SEC16A: variants seen among roughly 807,000 people sequenced by gnomAD.
SEC16A encodes SEC16 homolog A, endoplasmic reticulum export factor.
A neutral mutation model predicts 221.9 loss-of-function variants in SEC16A; 110 were observed. The observed-to-expected ratio is 0.50, with a 90% CI of 0.42 to 0.58. SEC16A has a LOEUF of 0.58. Ranked by LOEUF, SEC16A falls within the 20% of genes least tolerant of loss-of-function variation. The probability of loss-of-function intolerance (pLI) is 0.00; values close to 1 mark genes in which losing one functional copy is unlikely to be tolerated. For synonymous variants in SEC16A, 1,393 were observed against 1,257.7 expected (o/e 1.11, Z -2.28); for missense variants, 3,165 against 3,097.8 (o/e 1.02, Z -0.52).
intron 9 of SEC16A, 108 bp downstream of exon 9, chr9:136,464,312 G>A (rs906280500): frequency 4.8e-6 from 5 of 1,036,510 alleles, no homozygotes; most frequent in Non-Finnish European, 6.8e-6. Context: ...ATTTTCCAAG[G>A]ACGTATGTCC....
At chr9:136,448,513 C>G in intron 23 of SEC16A, 2 of 708,924 alleles carry the variant, frequency 2.8e-6, no homozygotes, top group Admixed American at 2.0e-5. Flanking sequence ...ACAGAGACAC[C>G]AGGAGGATGG....
Position 136,466,864 on chromosome 9 carries a change from A to G in SEC16A, c.3929+93T>C. The G allele has an allele frequency of 2.8e-6, 4 of 1,438,116 alleles. No homozygotes were observed. The highest frequency in any genetic ancestry group is 3.7e-6 in the Non-Finnish European group (4 of 1,074,486). 89.1% of individuals were successfully genotyped at this position (1,438,116 alleles called of 1,614,324 possible). A position where few individuals can be genotyped will look rare whatever the true frequency, so the allele number is the denominator to read the frequency against. ...GGCAGATGCTCACCCAAACTACCAC[A>G]GCTCTTTGTTAAAACCCAGACATGA... On this transcript the variant is annotated intron_variant, in intron 6 of 31. Transcript: ENST00000684901. The surrounding 1 kb of genome is among the most constrained non-coding windows in gnomAD (Gnocchi z 5.5).
rs760387521 is a variant in SEC16A, at chr9:136,447,342, A to T, written c.6582T>A (p.Val2194=). ...RRAAGTRARY[V]DVLNPSGTQR... is the part of the protein sequence containing the mutation. ...GGGTCCCGCTTGGGTTCAGGACGTC[A>T]ACGTAGCGAGCTCTGGTTCCTGCTG... Residue 2194 remains valine (V), a synonymous_variant, in exon 27 of 32, where the codon GTT becomes GTA. Coordinates refer to ENST00000684901, the MANE Select transcript of SEC16A (RefSeq NM_014866.2). This position sits in a 1 kb window ranked among gnomAD's most constrained non-coding sequence, Gnocchi z 5.5. 3 of 1,598,684 alleles carry T rather than the reference A, an allele frequency of 1.9e-6. No homozygotes were observed. In the East Asian group the frequency reaches 6.8e-5, roughly 36 times the overall value.
chr9:136,476,533 C>G lies in SEC16A; in HGVS notation c.1083G>C (p.Pro361=). 6.2e-7 allele frequency: 1 copy of G among 1,612,306 alleles called. No individual in the cohort carries two copies. Among genetic ancestry groups the G allele is most frequent in the Non-Finnish European group, 8.5e-7 (1 of 1,179,070 alleles). The change falls in exon 3 of 32, where the codon CCG becomes CCC. Residue 361 remains proline, a synonymous_variant. Transcript: ENST00000684901. ...CTGAAGCTCCTGAGTCTGCTTCTAG[C>G]GGGGCACAGCCAGACCCGGCCCCAG... The part of the protein sequence containing the change: ...LGAGAGSGCA[P]LEADSGASGA...
At chr9:136,450,864 T>C (rs1837691010) in intron 23 of SEC16A, among the ~76,000 whole-genome samples, 1 of 152,212 alleles carries the variant, frequency 6.6e-6, no homozygotes, top group African/African-American at 2.4e-5. Context: ...AGGAGGCTCC[T>C]GGGGCCTGAC....
Position 136,459,377 on chromosome 9 carries a change from A to G in SEC16A, c.5303+67T>C, listed in dbSNP as rs1839161079. 2 of 1,427,508 alleles carry G rather than the reference A, an allele frequency of 1.4e-6. No individual in the cohort carries two copies. The highest frequency in any genetic ancestry group is 1.4e-5 in the African/African-American group (1 of 70,810). The allele number at this position is 1,427,508 out of a possible 1,614,324, so 88.4% of individuals were successfully genotyped here. A position where few individuals can be genotyped will look rare whatever the true frequency, so the allele number is the denominator to read the frequency against. On this transcript the variant is annotated intron_variant, in intron 16 of 31. Transcript: ENST00000684901. The surrounding 1 kb of genome is among the most constrained non-coding windows in gnomAD (Gnocchi z 6.1). ...GATTCTGGCCATTTCTGAATTCACT[A>G]AAGGAGAAGGATTTTGTTTTACTTT...
Position 136,467,077 on chromosome 9 carries a change from C to G in SEC16A, c.3809G>C (p.Gly1270Ala). Residue 1270 changes from glycine to alanine, a missense_variant, in exon 6 of 32, where the codon GGT becomes GCT. Physicochemically the swap from Gly to Ala is moderately conservative, Grantham distance 60. Around this residue, in one of 3 missense-constraint regions of SEC16A, gnomAD observed 2,030 missense variants for 1,923.1 expected, o/e 1.06. Transcript: ENST00000684901. Reference sequence around the variant, plus strand: ...ACTGTAGTGGTAACGATCCCAGTGACCTGGATCTGTGAGCAAGGAATTAAT... The same window carrying G: ...ACTGTAGTGGTAACGATCCCAGTGAGCTGGATCTGTGAGCAAGGAATTAAT... ...YSSQYDYGDP[G>A]HWDRYHYSAR... 1 of 1,613,814 alleles carries G rather than the reference C, an allele frequency of 6.2e-7. No individual in the cohort carries two copies. The highest frequency in any genetic ancestry group is 1.3e-5 in the African/African-American group (1 of 75,024).
chr9:136,464,960 C>T (rs190829796), intron 8 of SEC16A, among the ~76,000 whole-genome samples: 7 of 152,024 alleles, frequency 4.6e-5, no homozygotes, highest in Admixed American at 4.6e-4. Flanking sequence ...ACACCTCAAG[C>T]AAAAAAGAAA....
At chr9:136,462,492 G>T (rs1588948000) in intron 12 of SEC16A, among the ~76,000 whole-genome samples, 1 of 152,188 alleles carries the variant, frequency 6.6e-6, no homozygotes, top group East Asian at 1.9e-4. Context: ...CAGGTTCAGT[G>T]TGCCCTCCCA....
Position 136,455,868 on chromosome 9 carries a change from C to A in SEC16A, c.5665-75G>T, listed in dbSNP as rs567995936. 5.6e-6 allele frequency: 8 copies of A among 1,429,502 alleles called. No individual in the cohort carries two copies. In the South Asian group the frequency reaches 8.1e-5, roughly 14 times the overall value. 88.6% of individuals were successfully genotyped at this position (1,429,502 alleles called of 1,614,324 possible). The stretch of plus-strand genomic sequence containing the variant: ...CAGCGCTGCCCGCCTGCCACCACCG[C>A]GCTTGCTGTGTCCCTACTTCAGGAC... On this transcript the variant is annotated intron_variant, in intron 19 of 31. Coordinates refer to ENST00000684901, the MANE Select transcript of SEC16A (RefSeq NM_014866.2).
At chr9:136,451,923 G>A (rs1435648425) in intron 22 of SEC16A, among the ~76,000 whole-genome samples, 2 of 152,232 alleles carry the variant, frequency 1.3e-5, no homozygotes, top group Non-Finnish European at 1.5e-5. Context: ...CTGATGGGAT[G>A]CCCGTGAAGG....
intron 8 of SEC16A, 108 bp from the exon 9 acceptor site, chr9:136,464,670 C>T (rs186292102): frequency 1.0e-5 from 10 of 972,970 alleles, no homozygotes; most frequent in Admixed American, 4.7e-5. Flanking sequence ...AGATTTATCA[C>T]GACAGACTTC....
intron 30 of SEC16A, among the ~76,000 whole-genome samples, chr9:136,444,808 G>A (rs910342066): frequency 2.0e-5 from 3 of 151,484 alleles, no homozygotes; most frequent in Non-Finnish European, 4.4e-5. Flanking sequence ...GAACCCAGGA[G>A]GTGGAGGTGG....
Position 136,466,211 on chromosome 9 carries a change from G to A in SEC16A, c.4128+53C>T. 1 of 1,574,260 alleles carries A rather than the reference G, an allele frequency of 6.4e-7. No homozygotes were observed. The highest frequency in any genetic ancestry group is 1.7e-4 in the Middle Eastern group (1 of 5,884). Reference sequence around the variant, plus strand: ...AAAACTTTAGGTACATTGCAAACAGGATGGTGGTTCTAAACACAACCGTCC... The same window carrying A: ...AAAACTTTAGGTACATTGCAAACAGAATGGTGGTTCTAAACACAACCGTCC... On this transcript the variant is annotated intron_variant, in intron 7 of 31. Transcript: ENST00000684901. The surrounding 1 kb of genome is among the most constrained non-coding windows in gnomAD (Gnocchi z 5.5).
intron 31 of SEC16A, among the ~76,000 whole-genome samples, chr9:136,442,250 G>A (rs533446181): frequency 1.5e-3 from 229 of 152,380 alleles, no homozygotes; most frequent in African/African-American, 4.9e-3. Flanking sequence ...TCATGGAGGG[G>A]AAAGCCAAGG....
rs751969115 is a variant in SEC16A, at chr9:136,474,380, G to A, written c.3236C>T (p.Ser1079Leu). The change falls in exon 3 of 32, where the codon TCG becomes TTG. Residue 1079 changes from serine (S) to leucine (L), a missense_variant. Physicochemically the swap from Ser to Leu is moderately radical, Grantham distance 145. This residue lies in a region of SEC16A where 2,030 missense variants were observed against 1,923.1 expected (regional missense o/e 1.06). Transcript: ENST00000684901. ...CAGACTTTCTGGATTTGACAGCTCC[G>A]AAAACATGGCTTTGGGTAGTTGTGG... Reference protein sequence around the residue: ...SPPQLPKAMFSELSNPESLPA... With the variant: ...SPPQLPKAMFLELSNPESLPA... The A allele has an allele frequency of 2.9e-5, 47 of 1,612,538 alleles. No homozygotes were observed. The highest frequency in any genetic ancestry group is 1.3e-4 in the Admixed American group (8 of 59,996).
intron 21 of SEC16A, 27 bp downstream of exon 21, chr9:136,454,082 C>A: frequency 6.5e-7 from 1 of 1,538,036 alleles, no homozygotes; most frequent in South Asian, 1.2e-5. Context: ...TGCTTCTGCT[C>A]TCGAGACAGC....
At position 136,448,422 on chromosome 9, in the gene SEC16A, C is replaced by T. The variant is rs756558059; in HGVS notation, c.6313-261G>A. 95 of 524,068 alleles carry T rather than the reference C, an allele frequency of 1.8e-4. No individual in the cohort carries two copies. In the Middle Eastern group the frequency reaches 4.7e-3, roughly 26 times the overall value. The allele number at this position is 524,068 out of a possible 1,614,324, so 32.5% of individuals were successfully genotyped here. A position where few individuals can be genotyped will look rare whatever the true frequency, so the allele number is the denominator to read the frequency against. ...ACACCAGGAGGATGGAGGTGGGGGG[C>T]GATCCACAGAGACACCAGGAGGATG... On this transcript the variant is annotated intron_variant, in intron 23 of 31. Transcript: ENST00000684901.
rs771844310 is a variant in SEC16A, at chr9:136,463,693, C to T, written c.4494G>A (p.Pro1498=). 1.4e-5 allele frequency: 23 copies of T among 1,612,844 alleles called. No homozygotes were observed. Among genetic ancestry groups the T allele is most frequent in the Non-Finnish European group, 1.9e-5 (22 of 1,179,740 alleles). Residue 1498 remains proline, a synonymous_variant, in exon 10 of 32, where the codon CCG becomes CCA. Coordinates refer to ENST00000684901, the MANE Select transcript of SEC16A (RefSeq NM_014866.2). ...AAGGAACATACTTGGCCAGGGGTCCCGGGAACGCCCGCATCTCCTCCTGCT... is the reference window on the plus strand; with the variant it reads ...AAGGAACATACTTGGCCAGGGGTCCTGGGAACGCCCGCATCTCCTCCTGCT... The part of the protein sequence containing the change: ...TSEQEEMRAF[P]GPLAKDDTHK...
Sources: allele counts gnomAD v4.1 joint callset (sites outside exome capture counted in the v4.1 genomes callset), GRCh38; gene constraint gnomAD v4.1.1; regional missense constraint gnomAD v4.1.1; non-coding constraint Gnocchi (gnomAD v3.1); transcripts MANE v1.5; gene names NCBI Gene and HGNC (gene_info 2026-07-23, HGNC 2026-07-21).